The following DGKB variants were observed in gnomAD, a reference collection of about 807,000 sequenced individuals.
DGKB encodes diacylglycerol kinase beta.
Under a neutral mutation model 114.3 loss-of-function variants are expected in DGKB, and 67 were observed. The observed-to-expected ratio is 0.59, with a 90% CI of 0.48 to 0.72. The LOEUF (loss-of-function observed/expected upper bound fraction) is 0.72. Among genes scored for constraint, DGKB ranks in the 30% least tolerant of loss-of-function variants. DGKB has a pLI of 0.00. For synonymous variants in DGKB, 398 were observed against 323.1 expected (o/e 1.23, Z -2.49); for missense variants, 907 against 975.2 (o/e 0.93, Z 0.93).
chr7:14,928,345 A>C (rs1784843382), intron 1 of DGKB, among the ~76,000 whole-genome samples: 1 of 151,918 alleles, frequency 6.6e-6, no homozygotes, highest in South Asian at 2.1e-4. Flanking sequence ...ATTTTACTAA[A>C]ATTTTCTCAG....
intron 2 of DGKB, 38 bp downstream of exon 2, chr7:14,841,156 A>T: frequency 3.3e-6 from 5 of 1,524,616 alleles, no homozygotes; most frequent in Non-Finnish European, 4.5e-6. Context: ...TCTAGCACAA[A>T]TGTCAAATAA....
chr7:14,464,995 C>G (rs892079059), intron 21 of DGKB, among the ~76,000 whole-genome samples: 2 of 152,130 alleles, frequency 1.3e-5, no homozygotes, highest in African/African-American at 4.8e-5. Context: ...GTAGCAGCGA[C>G]AGGGGCGACT....
chr7:14,951,649 A>G (rs1786205686), intron 1 of DGKB, among the ~76,000 whole-genome samples: 1 of 151,988 alleles, frequency 6.6e-6, no homozygotes, highest in Non-Finnish European at 1.5e-5. Context: ...CCCAATGTAA[A>G]CTATGTGCTT....
chr7:14,755,489 A>AT (rs1834739171), intron 3 of DGKB, among the ~76,000 whole-genome samples: 1 of 152,144 alleles, frequency 6.6e-6, no homozygotes, highest in Non-Finnish European at 1.5e-5. Context: ...TTCAGGTTGC[A>AT]TTACTCAATT....
chr7:14,892,613 C>A (rs575052321), intron 1 of DGKB, among the ~76,000 whole-genome samples: 2 of 151,100 alleles, frequency 1.3e-5, no homozygotes, highest in East Asian at 3.9e-4. Context: ...CCATCTCCAC[C>A]TGCCCCCACA....
At chr7:14,314,534 A>G (rs1409796164) in intron 23 of DGKB, among the ~76,000 whole-genome samples, 10 of 152,198 alleles carry the variant, frequency 6.6e-5, no homozygotes, top group Admixed American at 2.0e-4. Flanking sequence ...GGGTATCAGC[A>G]ATGGAAGATG....
At chr7:14,268,119 A>G (rs1034143654) in intron 23 of DGKB, among the ~76,000 whole-genome samples, 1 of 152,064 alleles carries the variant, frequency 6.6e-6, no homozygotes, top group African/African-American at 2.4e-5. Flanking sequence ...TATCTAGCTC[A>G]CTGATCTAAC....
intron 20 of DGKB, among the ~76,000 whole-genome samples, chr7:14,487,685 T>G (rs1419465243): frequency 6.7e-6 from 1 of 150,036 alleles, no homozygotes; most frequent in Non-Finnish European, 1.5e-5. Context: ...CACTGCAGCC[T>G]TGAACTCCTG....
intron 23 of DGKB, among the ~76,000 whole-genome samples, chr7:14,307,499 C>T (rs754381489): frequency 8.5e-5 from 13 of 152,056 alleles, no homozygotes; most frequent in African/African-American, 1.4e-4. Context: ...ATGAGCAGTT[C>T]GCTGCTGTAT....
intron 1 of DGKB, among the ~76,000 whole-genome samples, chr7:14,924,099 A>T (rs1050197890): frequency 6.6e-6 from 1 of 150,834 alleles, no homozygotes; most frequent in Non-Finnish European, 1.5e-5. Context: ...CTGAGCTCTA[A>T]TGACACTCTC....
chr7:14,807,452 A>G (rs1842915664), intron 2 of DGKB, among the ~76,000 whole-genome samples: 1 of 152,036 alleles, frequency 6.6e-6, no homozygotes, highest in South Asian at 2.1e-4. Context: ...TCAGCTCAAT[A>G]TATTAAGTTG....
In DGKB at chr7:14,777,850, T is replaced by C. The variant is rs559611274; in HGVS notation, c.71-20119A>G. 4.4e-3 allele frequency among the ~76,000 whole-genome samples: 668 copies of C among 152,330 alleles called. 8 individuals carry two copies. Among genetic ancestry groups the C allele is most frequent in the African/African-American group, 0.015 (625 of 41,582 alleles). ...TTAAGGTGTTTTTTTTCTTTTTTAA[T>C]ATCCTGCTTAATTTGCCCTTGAGCA... On this transcript the variant is annotated intron_variant, in intron 2 of 25. Transcript: ENST00000402815.
At chr7:14,967,729 A>AT (rs1787243361) in intron 1 of DGKB, among the ~76,000 whole-genome samples, 1 of 150,778 alleles carries the variant, frequency 6.6e-6, no homozygotes, top group Admixed American at 6.6e-5. Flanking sequence ...TTTTATACAT[A>AT]TTTTTCTGCA....
intron 1 of DGKB, among the ~76,000 whole-genome samples, chr7:14,909,401 C>T (rs36842): frequency 1 from 151,832 of 152,324 alleles, 75,673 homozygotes; most frequent in East Asian, 1. Context: ...GCCTCTTTAT[C>T]CTTATGAATA....
intron 23 of DGKB, among the ~76,000 whole-genome samples, chr7:14,189,132 C>T (rs1316638866): frequency 1.3e-5 from 2 of 152,114 alleles, no homozygotes; most frequent in African/African-American, 4.8e-5. Flanking sequence ...AATCAAATTC[C>T]TAATATTTCC....
intron 12 of DGKB, among the ~76,000 whole-genome samples, chr7:14,673,432 C>G (rs1248196126): frequency 8.5e-6 from 1 of 118,298 alleles, no homozygotes; most frequent in Non-Finnish European, 1.7e-5. Context: ...CTCCTGTTTT[C>G]TCAAAGTCAT....
chr7:14,465,638 A>C (rs987867398), intron 21 of DGKB, among the ~76,000 whole-genome samples: 1 of 152,196 alleles, frequency 6.6e-6, no homozygotes, highest in Non-Finnish European at 1.5e-5. Flanking sequence ...CATTACACTG[A>C]TTAGAAAATT....
At chr7:14,716,882 T>C (rs114155140) in intron 6 of DGKB, among the ~76,000 whole-genome samples, 302 of 151,928 alleles carry the variant, frequency 2.0e-3, no homozygotes, top group Middle Eastern at 6.8e-3. Context: ...GTGAAAATGA[T>C]AGTGATAATT....
At chr7:14,772,153 C>T (rs902946931) in intron 2 of DGKB, among the ~76,000 whole-genome samples, 1 of 152,078 alleles carries the variant, frequency 6.6e-6, no homozygotes, top group Non-Finnish European at 1.5e-5. Flanking sequence ...TAAAACCAAG[C>T]TGTACCCCAA....
Sources: gnomAD v4.1 joint callset for allele counts (sites outside exome capture counted in the v4.1 genomes callset) on GRCh38, gnomAD v4.1.1 for gene constraint, MANE v1.5 for transcripts, NCBI Gene and HGNC (gene_info 2026-07-23, HGNC 2026-07-21) for gene names.